Variants in PLEC observed in about 807,000 individuals in gnomAD.
PLEC encodes plectin.
PLEC carries 216 observed loss-of-function variants against 392.8 expected under a neutral mutation model. The ratio of observed to expected loss-of-function variants is 0.55; its 90% CI spans 0.49 to 0.62. The LOEUF (loss-of-function observed/expected upper bound fraction) is 0.62, where lower values mean the gene tolerates loss of function less well. Ranked by LOEUF, PLEC falls within the 20% of genes least tolerant of loss-of-function variation. The pLI is 0.00. For missense variants in PLEC, 6,863 were observed against 6,563.4 expected (o/e 1.05, Z -1.58); for synonymous variants, 3,621 against 2,980.6 (o/e 1.21, Z -7.00).
In PLEC at chr8:143,925,487, C is replaced by T. The variant is rs782080543; in HGVS notation, c.4442G>A (p.Arg1481Gln). The T allele has an allele frequency of 2.8e-5, 45 of 1,596,146 alleles. No homozygotes were observed. In the East Asian group the frequency reaches 4.0e-4, roughly 14 times the overall value. Residue 1481 changes from arginine (R) to glutamine (Q), a missense_variant, in exon 31 of 32, where the codon CGG (arginine) becomes CAG (glutamine). Arg to Gln is a conservative substitution (Grantham distance 43). Coordinates refer to ENST00000345136, the MANE Select transcript of PLEC (RefSeq NM_201384.3). The part of the protein sequence containing the change: ...AEGELQALRA[R>Q]AEEAEAQKRQ... The stretch of plus-strand genomic sequence containing the variant: ...CTTTTGTGCCTCAGCCTCCTCCGCC[C>T]GTGCACGCAGTGCCTGCAGCTCCCC...
intron 1 of PLEC, among the ~76,000 whole-genome samples, chr8:143,966,345 C>T (rs1162618104): frequency 2.0e-5 from 3 of 152,240 alleles, no homozygotes; most frequent in Admixed American, 6.5e-5. Flanking sequence ...AGCCTGGCCT[C>T]CCCACCTCAG....
At chr8:143,938,423 G>A (rs1554725558) in intron 2 of PLEC, 183 bp from the exon 3 acceptor site, 6 of 1,537,874 alleles carry the variant, frequency 3.9e-6, no homozygotes, top group East Asian at 2.4e-5. Flanking sequence ...GTGCTGCAAG[G>A]AGAGACCAGG....
At chr8:143,954,401 G>C (rs1554738579), upstream of PLEC, among the ~76,000 whole-genome samples, 1 of 152,162 alleles carries the variant, frequency 6.6e-6, no homozygotes. The surrounding 1 kb of genome is among the most constrained non-coding windows in gnomAD (Gnocchi z 4.6). Context: ...AAGATGACAG[G>C]TCCGACCTGC....
intron 25 of PLEC, among the ~76,000 whole-genome samples, chr8:143,928,885 C>T (rs1157865009): frequency 6.6e-6 from 1 of 152,202 alleles, no homozygotes; most frequent in Non-Finnish European, 1.5e-5. Context: ...AATCTCATCA[C>T]CAGGAAGTCC....
At chr8:143,942,336 C>G, upstream of PLEC, 1 of 1,590,504 alleles carries the variant, frequency 6.3e-7, no homozygotes, top group Non-Finnish European at 8.6e-7. Context: ...CCCAGCCCCA[C>G]TAGGTGAGAG....
rs1554669343 is a variant in PLEC, at chr8:143,916,507, A to C, written c.13314T>G (p.Pro4438=). The change falls in exon 32 of 32, where the codon CCT becomes CCG. Residue 4438 remains proline (P), a synonymous_variant. Coordinates refer to ENST00000345136, the MANE Select transcript of PLEC (RefSeq NM_201384.3). ...TATAGGAGATCTTGAGCTTGGTCTT[A>C]GGGCAGGTGAGGTACTTGGAGTAGG... ...VGAYSKYLTC[P]KTKLKISYKD... 6.2e-7 allele frequency: 1 copy of C among 1,611,496 alleles called. No individual in the cohort carries two copies. The highest frequency in any genetic ancestry group is 2.2e-5 in the East Asian group (1 of 44,728).
At position 143,923,004 on chromosome 8, in the gene PLEC, C is replaced by T. The variant is rs1823424648; in HGVS notation, c.6925G>A (p.Glu2309Lys). 1 of 1,611,908 alleles carries T rather than the reference C, an allele frequency of 6.2e-7. No individual in the cohort carries two copies. Among genetic ancestry groups the T allele is most frequent in the African/African-American group, 1.3e-5 (1 of 74,906 alleles). Reference sequence around the variant, plus strand: ...TGCATCTTCTCCTTGAGCATCTTCTCTGCCAAGGCCCGCTGCTGTGCCAGG... The same window carrying T: ...TGCATCTTCTCCTTGAGCATCTTCTTTGCCAAGGCCCGCTGCTGTGCCAGG... The part of the protein sequence containing the change: ...EDLAQQRALA[E>K]KMLKEKMQAV... Residue 2309 changes from glutamate (E) to lysine (K), a missense_variant, in exon 31 of 32, where the codon GAG becomes AAG. Physicochemically the swap from Glu to Lys is moderately conservative, Grantham distance 56 (BLOSUM62 1). Transcript: ENST00000345136.
chr8:143,929,054 G>A (rs2131682097), intron 25 of PLEC, 49 bp downstream of exon 25: 2 of 1,507,782 alleles, frequency 1.3e-6, no homozygotes, highest in Non-Finnish European at 9.0e-7. Flanking sequence ...CCTCACCCCA[G>A]CACCCCCCAG....
rs782303009 is a variant in PLEC, at chr8:143,925,398, G to A, written c.4531C>T (p.Arg1511Trp). The A allele has an allele frequency of 9.5e-6, 15 of 1,586,844 alleles. No individual in the cohort carries two copies. The highest frequency in any genetic ancestry group is 3.4e-5 in the Admixed American group (2 of 58,888). ...RQVQDESQRK[R>W]QAEVELASRV... The stretch of plus-strand genomic sequence containing the variant: ...GAGGCCAGCTCCACCTCCGCCTGCC[G>A]CTTACGCTGGCTCTCGTCCTGCACC... The change falls in exon 31 of 32, where the codon CGG (arginine) becomes TGG (tryptophan). Residue 1511 changes from arginine to tryptophan, a missense_variant. Physicochemically the swap from Arg to Trp is moderately radical, Grantham distance 101. Transcript: ENST00000345136.
chr8:143,958,245 A>G (rs1832700994), upstream of PLEC, among the ~76,000 whole-genome samples: 1 of 152,104 alleles, frequency 6.6e-6, no homozygotes, highest in African/African-American at 2.4e-5. The surrounding 1 kb of genome is among the most constrained non-coding windows in gnomAD (Gnocchi z 4.9). Flanking sequence ...CGGGCCAGCC[A>G]GCCTGCAGGA....
At chr8:143,956,250 G>A (rs995584835), upstream of PLEC, among the ~76,000 whole-genome samples, 1 of 152,108 alleles carries the variant, frequency 6.6e-6, no homozygotes, top group African/African-American at 2.4e-5. Flanking sequence ...GCCCGGCCAG[G>A]GAGATTTTTT....
intron 30 of PLEC, 90 bp from the exon 31 acceptor site, chr8:143,925,974 G>C (rs1825015180): frequency 1.5e-6 from 2 of 1,369,044 alleles, no homozygotes; most frequent in Non-Finnish European, 2.0e-6. Flanking sequence ...AGTTCACTCA[G>C]ACAGCGCGGA....
intron 1 of PLEC, 105 bp downstream of exon 1, chr8:143,939,245 A>C: frequency 6.9e-7 from 1 of 1,459,060 alleles, no homozygotes; most frequent in Non-Finnish European, 9.3e-7. Context: ...CATCTCCAAG[A>C]CCAGCCCCCC....
intron 1 of PLEC, among the ~76,000 whole-genome samples, chr8:143,964,099 C>G (rs1296706775): frequency 6.6e-6 from 1 of 152,170 alleles, no homozygotes; most frequent in Non-Finnish European, 1.5e-5. Context: ...GCCACTGTGC[C>G]TGGCTAAGCG....
At chr8:143,974,673 G>A (rs1833595122), upstream of PLEC, among the ~76,000 whole-genome samples, 2 of 152,194 alleles carry the variant, frequency 1.3e-5, no homozygotes, top group Non-Finnish European at 2.9e-5. The surrounding 1 kb of genome is among the most constrained non-coding windows in gnomAD (Gnocchi z 5.9). Context: ...CACAGCTCTA[G>A]GTCACCCACT....
chr8:143,941,222 G>A (rs921305567), upstream of PLEC, among the ~76,000 whole-genome samples: 4 of 152,198 alleles, frequency 2.6e-5, no homozygotes, highest in East Asian at 5.8e-4. Context: ...CTGCAGGAAC[G>A]GGGCTGCCAC....
rs782191992 is a variant in PLEC, at chr8:143,930,545, G to C, written c.2305-9C>G. On this transcript the variant is annotated splice_polypyrimidine_tract_variant and intron_variant, in intron 19 of 31. Coordinates refer to ENST00000345136, the MANE Select transcript of PLEC (RefSeq NM_201384.3). Reference sequence around the variant, plus strand: ...AGCTGTTCCTTCTCGTCCTGTGGGGGAGGGGCAGCATCCAGACGAGGGCCA... The same window carrying C: ...AGCTGTTCCTTCTCGTCCTGTGGGGCAGGGGCAGCATCCAGACGAGGGCCA... 2 of 1,581,612 alleles carry C rather than the reference G, an allele frequency of 1.3e-6. No homozygotes were observed. Among genetic ancestry groups the C allele is most frequent in the African/African-American group, 1.3e-5 (1 of 74,112 alleles).
At position 143,930,306 on chromosome 8, in the gene PLEC, G is replaced by A. The variant is rs201818691; in HGVS notation, c.2458-8C>T. 3,315 of 1,599,848 alleles carry A rather than the reference G, an allele frequency of 2.1e-3. 5 individuals carry two copies. Among genetic ancestry groups the A allele is most frequent in the Non-Finnish European group, 2.5e-3 (2,925 of 1,177,604 alleles). On this transcript the variant is annotated splice_polypyrimidine_tract_variant and splice_region_variant and intron_variant, in intron 20 of 31. Transcript: ENST00000345136. ...ACCCTTGTGCACAGTCACCTGGGAC[G>A]GGCAGAGTCGGTGAGGACATGGCCA...
At chr8:143,958,072 C>T (rs543103537), upstream of PLEC, among the ~76,000 whole-genome samples, 7 of 152,308 alleles carry the variant, frequency 4.6e-5, 1 homozygote, top group East Asian at 1.4e-3. This position sits in a 1 kb window ranked among gnomAD's most constrained non-coding sequence, Gnocchi z 4.9. Context: ...CCTGAGCCTG[C>T]GGCAGGTCCA....
Sources: gnomAD v4.1 joint callset for allele counts (sites outside exome capture counted in the v4.1 genomes callset) on GRCh38, gnomAD v4.1.1 for gene constraint, Gnocchi (gnomAD v3.1) non-coding constraint, MANE v1.5 for transcripts, NCBI Gene and HGNC (gene_info 2026-07-23, HGNC 2026-07-21) for gene names.